Variants in TIAL1 observed in about 807,000 individuals in gnomAD.
TIAL1 encodes nucleolysin TIAR.
Under a neutral mutation model 59.7 loss-of-function variants are expected in TIAL1, and 7 were observed. The ratio of observed to expected loss-of-function variants is 0.12; its 90% confidence interval spans 0.07 to 0.22. The LOEUF (loss-of-function observed/expected upper bound fraction) is 0.22, where lower values mean the gene tolerates loss of function less well. Ranked by LOEUF, TIAL1 falls within the 10% of genes least tolerant of loss-of-function variation. TIAL1 has a pLI of 1.00. For missense variants in TIAL1, 225 were observed against 462.5 expected (o/e 0.49, Z 4.71); for synonymous variants, 149 against 146.3 (o/e 1.02, Z -0.13).
chr10:119,577,593 A>C (rs975944042), intron 8 of TIAL1, 48 bp downstream of exon 8: 58 of 1,606,886 alleles, frequency 3.6e-5, no homozygotes, highest in East Asian at 2.7e-4. Context: ...AATTCATATG[A>C]ACAGTGATGA....
rs189887517 is a variant in TIAL1 at position 119,590,867 on chromosome 10, A to G, written c.33-2619T>C. ...CTTCTAAACATTATGCTCCTTGCCT[A>G]AAGGGCTAGTTAGCTCACTTCTAAG... On this transcript the variant is annotated intron_variant, in intron 1 of 11. Transcript: ENST00000436547. 3.1e-4 allele frequency among the ~76,000 whole-genome samples: 47 copies of G among 152,148 alleles called. No homozygotes were observed. In the East Asian group the frequency reaches 8.5e-3, roughly 27 times the overall value.
Position 119,581,305 on chromosome 10 carries a change from T to C in TIAL1, c.371+617A>G, listed in dbSNP as rs531015344. On this transcript the variant is annotated intron_variant, in intron 5 of 11. Coordinates refer to ENST00000436547, the MANE Select transcript of TIAL1 (RefSeq NM_003252.4). ...AAATTTGTTAAAAATCAAACCACAT[T>C]TGCCTCTTAACTAGTAGAATCAAAT... Among the ~76,000 whole-genome samples the C allele has an allele frequency of 2.6e-5, 4 of 152,112 alleles. No individual in the cohort carries two copies. The South Asian group carries it at 8.3e-4, about 32-fold the overall frequency.
intron 10 of TIAL1, 136 bp downstream of exon 10, chr10:119,576,944 A>G: frequency 7.3e-7 from 1 of 1,363,118 alleles, no homozygotes; most frequent in South Asian, 1.4e-5. Flanking sequence ...TAATACCGCA[A>G]ATAATCAATT....
rs573869434 is a variant in TIAL1, at chr10:119,576,514, T to C, written c.1001+97A>G. ...ATGCTCATAATGCCAAATAGCTCAATGTATATAATTAAAATAGATTCTCCC... is the reference window on the plus strand; with the variant it reads ...ATGCTCATAATGCCAAATAGCTCAACGTATATAATTAAAATAGATTCTCCC... On this transcript the variant is annotated intron_variant, in intron 11 of 11. Coordinates refer to ENST00000436547, the MANE Select transcript of TIAL1 (RefSeq NM_003252.4). 11 of 1,461,054 alleles carry C rather than the reference T, an allele frequency of 7.5e-6. No homozygotes were observed. The Admixed American group carries it at 1.7e-4, about 23-fold the overall frequency. 90.5% of individuals were successfully genotyped at this position (1,461,054 alleles called of 1,614,324 possible).
rs34500092 is a variant in TIAL1, at chr10:119,585,122, CAAAAAAAAAAA to C, written c.130-2576_130-2566del. On this transcript the variant is annotated intron_variant, in intron 2 of 11. Coordinates refer to ENST00000436547, the MANE Select transcript of TIAL1 (RefSeq NM_003252.4). ...TGGGCAAAAGAGCAAGATTCCATCT[CAAAAAAAAAAA>C]AAAAAAAAAAAAATCAATTATGGCT... 4.3e-4 allele frequency among the ~76,000 whole-genome samples: 20 copies of C among 46,510 alleles called. No homozygotes were observed. The East Asian group carries it at 5.3e-3, about 12-fold the overall frequency. 30.5% of individuals were successfully genotyped at this position (46,510 alleles called of 152,430 possible).
chr10:119,589,061 G>C (rs896258947), intron 1 of TIAL1, among the ~76,000 whole-genome samples: 11 of 152,158 alleles, frequency 7.2e-5, no homozygotes, highest in Non-Finnish European at 4.4e-5. Context: ...TAAAGTTATA[G>C]TAAAACATAC....
In TIAL1 at chr10:119,582,420, T is replaced by C; in HGVS notation, c.228+39A>G. On this transcript the variant is annotated intron_variant, in intron 3 of 11. Coordinates refer to ENST00000436547, the MANE Select transcript of TIAL1 (RefSeq NM_003252.4). This position sits in a 1 kb window ranked among gnomAD's most constrained non-coding sequence, Gnocchi z 5.1. ...AATACAAACTAGTTTGACATGCAAA[T>C]ATATGTACTCATAAGGTGCCATCAT... The C allele has an allele frequency of 6.4e-7, 1 of 1,554,530 alleles. No homozygotes were observed. The highest frequency in any genetic ancestry group is 8.6e-7 in the Non-Finnish European group (1 of 1,157,638).
chr10:119,575,775 C>A lies in TIAL1; in HGVS notation c.1018G>T (p.Ala340Ser). Reference protein sequence around the residue: ...GFGVDQSPSAAWMGGFGAQPP... With the variant: ...GFGVDQSPSASWMGGFGAQPP... Reference sequence around the variant, plus strand: ...TGAGCACCAAATCCACCCATCCAAGCAGCAGAAGGTGATTGACTTGGAAGA... The same window carrying A: ...TGAGCACCAAATCCACCCATCCAAGAAGCAGAAGGTGATTGACTTGGAAGA... Residue 340 changes from alanine (A) to serine (S), a missense_variant, in exon 12 of 12, where the codon GCT (alanine) becomes TCT (serine). Around this residue, in one of 4 missense-constraint regions of TIAL1, gnomAD observed 68 missense variants for 71.3 expected, o/e 0.95. Transcript: ENST00000436547. 6.4e-7 allele frequency: 1 copy of A among 1,551,216 alleles called. No individual in the cohort carries two copies. The highest frequency in any genetic ancestry group is 2.4e-5 in the East Asian group (1 of 42,062).
intron 2 of TIAL1, among the ~76,000 whole-genome samples, chr10:119,584,912 C>T (rs533210784): frequency 6.6e-6 from 1 of 151,800 alleles, no homozygotes; most frequent in African/African-American, 2.4e-5. Context: ...CAAGACCATC[C>T]TGGCTAATAT....
intron 1 of TIAL1, among the ~76,000 whole-genome samples, chr10:119,594,760 G>T (rs979372516): frequency 1.1e-4 from 16 of 152,132 alleles, no homozygotes; most frequent in Non-Finnish European, 2.9e-5. Context: ...AAGTAGCAGG[G>T]ACTACAGGCG....
At chr10:119,594,895 T>C (rs1000815374) in intron 1 of TIAL1, among the ~76,000 whole-genome samples, 4 of 152,288 alleles carry the variant, frequency 2.6e-5, no homozygotes, top group Middle Eastern at 3.4e-3. Context: ...AGTGCTGGGA[T>C]TACAGGCGTG....
At position 119,582,701 on chromosome 10, in the gene TIAL1, T is replaced by G; in HGVS notation, c.130-144A>C. The G allele has an allele frequency of 1.5e-6, 2 of 1,340,444 alleles. No homozygotes were observed. The highest frequency in any genetic ancestry group is 1.8e-5 in the South Asian group (1 of 55,508). The allele number at this position is 1,340,444 out of a possible 1,614,324, so 83.0% of individuals were successfully genotyped here. On this transcript the variant is annotated intron_variant, in intron 2 of 11. Coordinates refer to ENST00000436547, the MANE Select transcript of TIAL1 (RefSeq NM_003252.4). This position sits in a 1 kb window ranked among gnomAD's most constrained non-coding sequence, Gnocchi z 5.1. ...TTATGAAAGCCTAACACTTTTTAAA[T>G]AAGATTTAAAGCTAAACCTGACTTT...
At chr10:119,595,145 C>G (rs904537626) in intron 1 of TIAL1, among the ~76,000 whole-genome samples, 1 of 152,152 alleles carries the variant, frequency 6.6e-6, no homozygotes, top group Non-Finnish European at 1.5e-5. Context: ...AAATCTCTAT[C>G]AATACTGAAC....
At chr10:119,591,759 T>C (rs1845891748) in intron 1 of TIAL1, among the ~76,000 whole-genome samples, 1 of 152,194 alleles carries the variant, frequency 6.6e-6, no homozygotes. Flanking sequence ...TTACCCAAAT[T>C]TCAGACTGCC....
intron 2 of TIAL1, among the ~76,000 whole-genome samples, chr10:119,583,677 A>G (rs994213765): frequency 2.0e-5 from 3 of 152,196 alleles, no homozygotes; most frequent in Non-Finnish European, 4.4e-5. Context: ...TCATTCCAGG[A>G]AAGTTTTAGA....
Position 119,578,820 on chromosome 10 carries a change from C to T in TIAL1, c.462G>A (p.Ala154=), listed in dbSNP as rs566374689. 41 of 1,613,800 alleles carry T rather than the reference C, an allele frequency of 2.5e-5. No homozygotes were observed. Among genetic ancestry groups the T allele is most frequent in the East Asian group, 2.5e-4 (11 of 44,890 alleles). Residue 154 remains alanine (A), a synonymous_variant, in exon 7 of 12, where the codon GCG becomes GCA. Transcript: ENST00000436547. ...SFYNKLDAEN[A]IVHMGGQWLG... ...ACCACTGACCGCCCATATGCACAAT[C>T]GCATTTTCTGCATCCTATGGATAAA...
intron 1 of TIAL1, among the ~76,000 whole-genome samples, chr10:119,594,415 G>T (rs1030328994): frequency 3.3e-5 from 5 of 152,128 alleles, no homozygotes; most frequent in African/African-American, 1.2e-4. Context: ...TCTTGGTAAG[G>T]AACAGATACA....
In TIAL1 at chr10:119,581,913, G is replaced by A; in HGVS notation, c.371+9C>T. ...CATGACTGAGTGTAGTACTGATTAT[G>A]ATACTTACGATATTTTACCAAAGGG... On this transcript the variant is annotated intron_variant, in intron 5 of 11. Coordinates refer to ENST00000436547, the MANE Select transcript of TIAL1 (RefSeq NM_003252.4). 8 of 1,603,234 alleles carry A rather than the reference G, an allele frequency of 5.0e-6. No individual in the cohort carries two copies. The highest frequency in any genetic ancestry group is 4.3e-6 in the Non-Finnish European group (5 of 1,170,418).
Position 119,582,773 on chromosome 10 carries a change from G to C in TIAL1, c.130-216C>G, listed in dbSNP as rs1401230269. 1.3e-5 allele frequency among the ~76,000 whole-genome samples: 2 copies of C among 152,128 alleles called. No homozygotes were observed. The highest frequency in any genetic ancestry group is 4.8e-5 in the African/African-American group (2 of 41,442). ...CTCAAACGGAACTATAAAAGCAGTT[G>C]TAGAATCATGAGCATCAGTATTAAA... On this transcript the variant is annotated intron_variant, in intron 2 of 11. Coordinates refer to ENST00000436547, the MANE Select transcript of TIAL1 (RefSeq NM_003252.4). This position sits in a 1 kb window ranked among gnomAD's most constrained non-coding sequence, Gnocchi z 5.1.
Sources: gnomAD v4.1 joint callset for allele counts (sites outside exome capture counted in the v4.1 genomes callset) on GRCh38, gnomAD v4.1.1 for gene constraint, gnomAD v4.1.1 regional missense constraint, Gnocchi (gnomAD v3.1) non-coding constraint, MANE v1.5 for transcripts, NCBI Gene and HGNC (gene_info 2026-07-23, HGNC 2026-07-21) for gene names.